The following BCAS3 variants were observed in gnomAD, a reference collection of about 807,000 sequenced individuals.
BCAS3 encodes the protein BCAS3 microtubule associated cell migration factor, also known as BCAS4/BCAS3 fusion.
In BCAS3, 53 loss-of-function variants were observed where a neutral mutation model predicts 116.1. That is an observed-to-expected ratio of 0.46 (90% CI 0.37 to 0.57). The LOEUF is 0.57. Among genes scored for constraint, BCAS3 ranks in the 20% least tolerant of loss-of-function variants. BCAS3 has a pLI of 0.00. For synonymous variants in BCAS3, 391 were observed against 408.2 expected, an observed-to-expected ratio of 0.96 and a Z score of 0.51; for missense variants, 917 against 1,165.4, an observed-to-expected ratio of 0.79 and a Z score of 3.10.
chr17:60,891,022 C>T (rs987451244), intron 10 of BCAS3, among the ~76,000 whole-genome samples: 1 of 152,110 alleles, frequency 6.6e-6, no homozygotes, highest in Non-Finnish European at 1.5e-5. Context: ...GTTACATCTT[C>T]CTGAATTCTG....
At chr17:61,312,140 G>A (rs1292299917) in intron 22 of BCAS3, among the ~76,000 whole-genome samples, 1 of 152,172 alleles carries the variant, frequency 6.6e-6, no homozygotes, top group East Asian at 1.9e-4. Flanking sequence ...CCCTTGCCGA[G>A]TCCCAGTGTT....
chr17:61,167,913 T>C (rs4968535), intron 22 of BCAS3, among the ~76,000 whole-genome samples: 112,184 of 152,108 alleles, frequency 0.74, 41,830 homozygotes, highest in South Asian at 0.85. Context: ...CTACTTTTCA[T>C]CGTCTTAGCC....
chr17:60,737,758 T>C (rs891141895), intron 5 of BCAS3, among the ~76,000 whole-genome samples: 1 of 151,878 alleles, frequency 6.6e-6, no homozygotes, highest in South Asian at 2.1e-4. Flanking sequence ...CATTTAATGA[T>C]TTCTGTTCTT....
At position 60,977,491 on chromosome 17, in the gene BCAS3, T is replaced by TTTATTATTATTATTA. The variant is rs199534358; in HGVS notation, c.1222-12466_1222-12452dup. Reference sequence around the variant, plus strand: ...TTGCATTTGGCGGAAGCACTTTCTTTTTATTATTATTATTATTATTATTAT... The same window carrying TTTATTATTATTATTA: ...TTGCATTTGGCGGAAGCACTTTCTTTTTATTATTATTATTATTATTATTATTATTATTATTATTAT... On this transcript the variant is annotated intron_variant, in intron 14 of 23. Transcript: ENST00000407086. Among the ~76,000 whole-genome samples the TTTATTATTATTATTA allele has an allele frequency of 2.9e-4, 43 of 149,688 alleles. 1 individual carries two copies. The highest frequency in any genetic ancestry group is 2.1e-3 in the Admixed American group (32 of 15,014).
At chr17:61,202,311 A>G (rs965253314) in intron 22 of BCAS3, among the ~76,000 whole-genome samples, 1 of 151,310 alleles carries the variant, frequency 6.6e-6, no homozygotes. Flanking sequence ...TTTTCTCCCC[A>G]TTTTGCGGAT....
chr17:61,287,731 A>G (rs889045347), intron 22 of BCAS3, among the ~76,000 whole-genome samples: 6 of 150,832 alleles, frequency 4.0e-5, no homozygotes, highest in Non-Finnish European at 8.8e-5. Flanking sequence ...GTGTCAAAAA[A>G]CAAAAAACAA....
intron 6 of BCAS3, among the ~76,000 whole-genome samples, chr17:60,806,927 T>C (rs2048335165): frequency 6.6e-6 from 1 of 152,146 alleles, no homozygotes; most frequent in Non-Finnish European, 1.5e-5. Context: ...TATTGTTGAG[T>C]TCACTTACTA....
At chr17:60,706,495 G>A (rs1221049252) in intron 4 of BCAS3, among the ~76,000 whole-genome samples, 1 of 152,084 alleles carries the variant, frequency 6.6e-6, no homozygotes, top group African/African-American at 2.4e-5. Flanking sequence ...AAGCCTTCTG[G>A]CCAGCAGTAA....
intron 7 of BCAS3, chr17:60,810,512 T>A: frequency 2.5e-6 from 2 of 790,892 alleles, no homozygotes; most frequent in South Asian, 2.6e-5. Context: ...CAGGAGCACC[T>A]GGAGAAGAAG....
intron 9 of BCAS3, among the ~76,000 whole-genome samples, chr17:60,881,709 C>T (rs1054123153): frequency 8.0e-5 from 12 of 150,406 alleles, no homozygotes; most frequent in African/African-American, 1.7e-4. Flanking sequence ...TTTGGTCTTG[C>T]GATAGTTTAC....
In BCAS3 at chr17:60,964,065, T is replaced by C. The variant is rs1600053582; in HGVS notation, c.1221+16713T>C. ...TAATTGCTCTGGCCAGGACTGGCAG[T>C]ATTATGTTGAGTAACCGTAGTGAGA... On this transcript the variant is annotated intron_variant, in intron 14 of 23. Transcript: ENST00000407086. This position sits in a 1 kb window ranked among gnomAD's most constrained non-coding sequence, Gnocchi z 4.6. Among the ~76,000 whole-genome samples the C allele has an allele frequency of 6.6e-6, 1 of 152,288 alleles. No individual in the cohort carries two copies. Among genetic ancestry groups the C allele is most frequent in the East Asian group, 1.9e-4 (1 of 5,184 alleles).
rs1274437956 is a variant in BCAS3, at chr17:61,279,943, T to C, written c.2426-88384T>C. ...TCTTTTCTCTCAATCCTGCTCCTGC[T>C]GAGTCTACATTAACTCTTTGTTTAG... On this transcript the variant is annotated intron_variant, in intron 22 of 23. Coordinates refer to ENST00000407086, the MANE Select transcript of BCAS3 (RefSeq NM_017679.5). This position sits in a 1 kb window ranked among gnomAD's most constrained non-coding sequence, Gnocchi z 4.4. Among the ~76,000 whole-genome samples, 1 of 151,872 alleles carries C rather than the reference T, an allele frequency of 6.6e-6. No homozygotes were observed. The highest frequency in any genetic ancestry group is 6.6e-5 in the Admixed American group (1 of 15,254).
In BCAS3 at chr17:61,219,693, C is replaced by A. The variant is rs1006623369; in HGVS notation, c.2425+135129C>A. ...TTGCAAATAGCTGCCGTGAGAAACC[C>A]TCTCTGCTGCTCTGGGCTGACATGC... On this transcript the variant is annotated intron_variant, in intron 22 of 23. Transcript: ENST00000407086. This position sits in a 1 kb window ranked among gnomAD's most constrained non-coding sequence, Gnocchi z 5.2. 2.6e-5 allele frequency among the ~76,000 whole-genome samples: 4 copies of A among 152,274 alleles called. No homozygotes were observed. Among genetic ancestry groups the A allele is most frequent in the African/African-American group, 9.6e-5 (4 of 41,538 alleles).
rs534282656 is a variant in BCAS3 at position 60,969,911 on chromosome 17, C to T, written c.1222-20060C>T. 1.4e-4 allele frequency among the ~76,000 whole-genome samples: 21 copies of T among 152,208 alleles called. No individual in the cohort carries two copies. In the South Asian group the frequency reaches 4.2e-3, roughly 30 times the overall value. On this transcript the variant is annotated intron_variant, in intron 14 of 23. Transcript: ENST00000407086. ...AAGGACTCAAAGAATAAAATATTGG[C>T]CACCTGAAGTTTTCCATCAAACAAC... is the stretch of plus-strand genomic sequence containing the variant.
At position 61,203,114 on chromosome 17, in the gene BCAS3, C is replaced by CT. The variant is rs1406324529; in HGVS notation, c.2425+118551dup. On this transcript the variant is annotated intron_variant, in intron 22 of 23. Transcript: ENST00000407086. This position sits in a 1 kb window ranked among gnomAD's most constrained non-coding sequence, Gnocchi z 5.7. ...ATTTATTTATGTGTAGCTCCTAGATCTAAAAGGGAATAGTTTTTTCCCCTC... is the reference window on the plus strand; with the variant it reads ...ATTTATTTATGTGTAGCTCCTAGATCTTAAAAGGGAATAGTTTTTTCCCCTC... Among the ~76,000 whole-genome samples the CT allele has an allele frequency of 6.6e-6, 1 of 152,098 alleles. No homozygotes were observed. The highest frequency in any genetic ancestry group is 1.5e-5 in the Non-Finnish European group (1 of 68,006).
In BCAS3 at chr17:61,282,445, C is replaced by T. The variant is rs1450271429; in HGVS notation, c.2426-85882C>T. Among the ~76,000 whole-genome samples, 1 of 152,156 alleles carries T rather than the reference C, an allele frequency of 6.6e-6. No individual in the cohort carries two copies. The highest frequency in any genetic ancestry group is 2.4e-5 in the African/African-American group (1 of 41,432). On this transcript the variant is annotated intron_variant, in intron 22 of 23. Coordinates refer to ENST00000407086, the MANE Select transcript of BCAS3 (RefSeq NM_017679.5). The surrounding 1 kb of genome is among the most constrained non-coding windows in gnomAD (Gnocchi z 5.9). Reference sequence around the variant, plus strand: ...TTGGAAAAAGTGGGCAGGACATTTGCATAATATTCCAGGACAGAGAGTTCA... The same window carrying T: ...TTGGAAAAAGTGGGCAGGACATTTGTATAATATTCCAGGACAGAGAGTTCA...
rs2065427488 is a variant in BCAS3 at position 61,015,983 on chromosome 17, G to A, written c.1637+82G>A. On this transcript the variant is annotated intron_variant, in intron 16 of 23. Coordinates refer to ENST00000407086, the MANE Select transcript of BCAS3 (RefSeq NM_017679.5). ...AAAATAAAACATACTTTTTCTTTGT[G>A]TGGTTTTTATTATGTTCTTCATTTC... 6 of 1,411,054 alleles carry A rather than the reference G, an allele frequency of 4.3e-6. No homozygotes were observed. The African/African-American group carries it at 8.6e-5, about 20-fold the overall frequency. The allele number at this position is 1,411,054 out of a possible 1,614,324, so 87.4% of individuals were successfully genotyped here.
chr17:61,048,403 A>C (rs1349433044), intron 19 of BCAS3, among the ~76,000 whole-genome samples: 1 of 152,040 alleles, frequency 6.6e-6, no homozygotes, highest in African/African-American at 2.4e-5. Context: ...GCCTTAGTTT[A>C]TCGTCTTTGG....
chr17:60,718,642 T>C (rs2038910159), intron 5 of BCAS3, among the ~76,000 whole-genome samples: 1 of 152,176 alleles, frequency 6.6e-6, no homozygotes, highest in Admixed American at 6.6e-5. Flanking sequence ...TGGTAGGTGA[T>C]ACCTTGAGGA....
Sources: allele counts gnomAD v4.1 joint callset (sites outside exome capture counted in the v4.1 genomes callset), GRCh38; gene constraint gnomAD v4.1.1; non-coding constraint Gnocchi (gnomAD v3.1); transcripts MANE v1.5; gene names NCBI Gene and HGNC (gene_info 2026-07-23, HGNC 2026-07-21).